Variants in WEE1 observed in about 807,000 individuals in gnomAD.
The protein encoded by WEE1 is wee1-like protein kinase.
WEE1 carries 16 observed loss-of-function variants against 68.8 expected under a neutral mutation model. That is an observed-to-expected ratio of 0.23 (90% CI 0.16 to 0.35). The LOEUF (loss-of-function observed/expected upper bound fraction) is 0.35, where lower values mean the gene tolerates loss of function less well. Among genes scored for constraint, WEE1 ranks in the 10% least tolerant of loss-of-function variants. The pLI is 1.00. For synonymous variants in WEE1, 349 were observed against 318.7 expected, an observed-to-expected ratio of 1.09 and a Z score of -1.01; for missense variants, 651 against 824.1, an observed-to-expected ratio of 0.79 and a Z score of 2.57.
chr11:9,588,370 C>A, intron 10 of WEE1, 79 bp from the exon 11 acceptor site: 1 of 983,090 alleles, frequency 1.0e-6, no homozygotes, highest in Non-Finnish European at 1.4e-6. Context: ...CAAATATCTC[C>A]CAATCGACAA....
chr11:9,584,170 C>T (rs1422676660), intron 6 of WEE1, among the ~76,000 whole-genome samples: 4 of 152,010 alleles, frequency 2.6e-5, no homozygotes, highest in African/African-American at 4.8e-5. Flanking sequence ...TAGTCTCACT[C>T]TGTTGCCCAG....
intron 5 of WEE1, chr11:9,577,811 G>T (rs554521976): frequency 1.3e-5 from 6 of 448,324 alleles, no homozygotes; most frequent in Non-Finnish European, 2.7e-5. Flanking sequence ...CTAGCTTGTC[G>T]TCTCTCCCTC....
At chr11:9,575,372 T>C (rs1212367543) in intron 1 of WEE1, 1 of 991,914 alleles carries the variant, frequency 1.0e-6, no homozygotes, top group East Asian at 1.1e-4. Flanking sequence ...ATGCACCTTT[T>C]AAAGTGAGTT....
In WEE1 at chr11:9,576,263, T is replaced by C; in HGVS notation, c.816T>C (p.Tyr272=). The change falls in exon 3 of 11, where the codon TAT becomes TAC. Residue 272 remains tyrosine (Y), a synonymous_variant. Coordinates refer to ENST00000450114, the MANE Select transcript of WEE1 (RefSeq NM_003390.4). The surrounding 1 kb of genome is among the most constrained non-coding windows in gnomAD (Gnocchi z 4.3). The part of the protein sequence containing the change: ...SCGEDMEASD[Y]ELEDETRPAK... Reference sequence around the variant, plus strand: ...GTGAAGACATGGAAGCCAGTGATTATGAGCTTGAAGATGAAACAAGACCTG... The same window carrying C: ...GTGAAGACATGGAAGCCAGTGATTACGAGCTTGAAGATGAAACAAGACCTG... The C allele has an allele frequency of 1.3e-6, 2 of 1,520,238 alleles. No homozygotes were observed. The highest frequency in any genetic ancestry group is 2.4e-5 in the South Asian group (2 of 83,646). 94.2% of individuals were successfully genotyped at this position (1,520,238 alleles called of 1,614,324 possible).
intron 8 of WEE1, 27 bp downstream of exon 8, chr11:9,585,554 G>A: frequency 1.3e-6 from 2 of 1,537,452 alleles, no homozygotes; most frequent in Non-Finnish European, 1.7e-6. Flanking sequence ...CTTAATCATA[G>A]TTTGCTTTGT....
chr11:9,588,662 C>A lies in WEE1; in HGVS notation c.*60C>A. ...ACAAGAGGAAGCTAGGTTGAAATCA[C>A]TGATAGAATCCAGTTTGCAATTACT... On this transcript the variant is annotated 3_prime_UTR_variant, in exon 11 of 11. Transcript: ENST00000450114. 1 of 1,419,842 alleles carries A rather than the reference C, an allele frequency of 7.0e-7. No homozygotes were observed. The highest frequency in any genetic ancestry group is 1.9e-4 in the Middle Eastern group (1 of 5,298). The allele number at this position is 1,419,842 out of a possible 1,614,324, so 88.0% of individuals were successfully genotyped here.
Position 9,574,397 on chromosome 11 carries a change from G to C in WEE1, c.464G>C (p.Gly155Ala), listed in dbSNP as rs1030785325. 8.2e-7 allele frequency: 1 copy of C among 1,213,100 alleles called. No individual in the cohort carries two copies. The highest frequency in any genetic ancestry group is 1.6e-5 in the African/African-American group (1 of 62,542). 75.1% of individuals were successfully genotyped at this position (1,213,100 alleles called of 1,614,324 possible). The change falls in exon 1 of 11, where the codon GGG (glycine) becomes GCG (alanine). Residue 155 changes from glycine (G) to alanine (A), a missense_variant. This residue lies in a region of WEE1 where 395 missense variants were observed against 378.4 expected (regional missense o/e 1.04). Coordinates refer to ENST00000450114, the MANE Select transcript of WEE1 (RefSeq NM_003390.4). The surrounding 1 kb of genome is among the most constrained non-coding windows in gnomAD (Gnocchi z 4.9). The part of the protein sequence containing the change: ...GPGDASPRGC[G>A]ARRAGEGRRS... Reference sequence around the variant, plus strand: ...GGAGATGCGTCGCCGCGGGGTTGCGGGGCGCGCCGGGCGGGCGAAGGCCGC... The same window carrying C: ...GGAGATGCGTCGCCGCGGGGTTGCGCGGCGCGCCGGGCGGGCGAAGGCCGC...
intron 6 of WEE1, 22 bp downstream of exon 6, chr11:9,581,700 A>G (rs1432143681): frequency 6.3e-7 from 1 of 1,595,446 alleles, no homozygotes; most frequent in Admixed American, 1.9e-5. Context: ...AGATCTTCTG[A>G]CCTGTGTTCT....
Sources: allele counts gnomAD v4.1 joint callset (sites outside exome capture counted in the v4.1 genomes callset), GRCh38; gene constraint gnomAD v4.1.1; regional missense constraint gnomAD v4.1.1; non-coding constraint Gnocchi (gnomAD v3.1); transcripts MANE v1.5; gene names NCBI Gene and HGNC (gene_info 2026-07-23, HGNC 2026-07-21).